The following CFH variants were observed in gnomAD, a reference collection of about 807,000 sequenced individuals.
The protein encoded by CFH is complement factor H, also known as H factor 1 (complement).
In CFH, 53 loss-of-function variants were observed where a neutral mutation model predicts 147.3. The ratio of observed to expected loss-of-function variants is 0.36; its 90% CI spans 0.29 to 0.45. The LOEUF (loss-of-function observed/expected upper bound fraction) is 0.45. Among genes scored for constraint, CFH ranks in the 20% least tolerant of loss-of-function variants. The pLI is 1.00. For synonymous variants in CFH, 536 were observed against 489.4 expected (o/e 1.10, Z -1.26); for missense variants, 1,380 against 1,498.0 (o/e 0.92, Z 1.30).
chr1:196,726,990 T>C, intron 14 of CFH, 50 bp downstream of exon 14: 1 of 1,534,996 alleles, frequency 6.5e-7, no homozygotes, highest in Non-Finnish European at 9.0e-7. Flanking sequence ...AATATTTTTA[T>C]TGTAACAACA....
Position 196,728,413 on chromosome 1 carries a change from G to C in CFH, c.2304G>C (p.Lys768Asn). Residue 768 changes from lysine (K) to asparagine (N), a missense_variant, in exon 15 of 22, where the codon AAG becomes AAC. This residue lies in a region of CFH where 830 missense variants were observed against 821.4 expected (regional missense o/e 1.01). Transcript: ENST00000367429. Reference protein sequence around the residue: ...LIILEEHLKNKKEFDHNSNIR... With the variant: ...LIILEEHLKNNKEFDHNSNIR... ...TACTTGAGGAACATTTAAAAAACAA[G>C]AAGGAATTCGATCATAATTCTAACA... 1 of 1,607,082 alleles carries C rather than the reference G, an allele frequency of 6.2e-7. No individual in the cohort carries two copies. The highest frequency in any genetic ancestry group is 8.5e-7 in the Non-Finnish European group (1 of 1,175,192).
chr1:196,694,578 A>G (rs927769243), intron 9 of CFH, among the ~76,000 whole-genome samples: 1 of 152,196 alleles, frequency 6.6e-6, no homozygotes, highest in African/African-American at 2.4e-5. Context: ...AGGAGTTGCC[A>G]CACTGTCTTC....
intron 1 of CFH, among the ~76,000 whole-genome samples, chr1:196,665,971 A>G (rs948155470): frequency 9.2e-5 from 14 of 152,120 alleles, no homozygotes; most frequent in African/African-American, 3.4e-4. Context: ...AAGTTTACAC[A>G]GTACGATAGA....
chr1:196,671,001 G>T lies in CFH; in HGVS notation c.59-1977G>T, dbSNP rs371098233. ...TGTTTGTTGTTGTTTATACACTTTT[G>T]TCTTTCTATATTTCCTTTTGGTTAT... is the stretch of plus-strand genomic sequence containing the variant. On this transcript the variant is annotated intron_variant, in intron 1 of 21. Transcript: ENST00000367429. 2.6e-3 allele frequency among the ~76,000 whole-genome samples: 397 copies of T among 151,760 alleles called. 2 individuals are homozygous for T. Among genetic ancestry groups the T allele is most frequent in the East Asian group, 0.013 (67 of 5,148 alleles).
At chr1:196,739,671 G>A (rs539498718) in intron 17 of CFH, among the ~76,000 whole-genome samples, 8 of 152,184 alleles carry the variant, frequency 5.3e-5, no homozygotes, top group Admixed American at 2.0e-4. Context: ...CTTCTGAGCC[G>A]TCCAACTCCC....
chr1:196,714,597 ATGTGTGTGTG>A (rs3043112), intron 10 of CFH, among the ~76,000 whole-genome samples: 2 of 103,934 alleles, frequency 1.9e-5, no homozygotes, highest in Non-Finnish European at 3.7e-5. Context: ...ACTCAGTAAT[ATGTGTGTGTG>A]TGTGTGTGTG....
chr1:196,667,040 T>C lies in CFH; in HGVS notation c.59-5938T>C, dbSNP rs534720249. Among the ~76,000 whole-genome samples the C allele has an allele frequency of 3.3e-5, 5 of 152,338 alleles. No homozygotes were observed. In the East Asian group the frequency reaches 7.7e-4, roughly 23 times the overall value. On this transcript the variant is annotated intron_variant, in intron 1 of 21. Transcript: ENST00000367429. ...AATGTTGCTTATATCTTGTATATCC[T>C]TATTTTTCTATTTCTTTTCTATTGG...
intron 1 of CFH, among the ~76,000 whole-genome samples, chr1:196,660,829 C>T (rs1208667806): frequency 6.6e-6 from 1 of 152,046 alleles, no homozygotes; most frequent in African/African-American, 2.4e-5. Flanking sequence ...TTGTTAAAAG[C>T]AATGAACTAT....
At chr1:196,715,400 T>G (rs1328552142) in intron 10 of CFH, among the ~76,000 whole-genome samples, 193 bp from the exon 11 acceptor site, 1 of 152,160 alleles carries the variant, frequency 6.6e-6, no homozygotes. Context: ...AAAAATGTTG[T>G]GTAGAAAGAT....
intron 15 of CFH, among the ~76,000 whole-genome samples, chr1:196,731,310 C>T (rs1030831231): frequency 1.3e-5 from 2 of 151,810 alleles, no homozygotes; most frequent in African/African-American, 4.8e-5. Context: ...TTGTAGTTAT[C>T]CTTAGGCTTG....
chr1:196,714,690 G>T (rs1233915218), intron 10 of CFH, among the ~76,000 whole-genome samples: 142 of 108,394 alleles, frequency 1.3e-3, no homozygotes, highest in Non-Finnish European at 2.0e-3. Flanking sequence ...GAGAGAGAGA[G>T]AGAGAGAGAG....
Position 196,673,138 on chromosome 1 carries a change from T to C in CFH, c.219T>C (p.Ala73=), listed in dbSNP as rs776075595. 2.9e-5 allele frequency: 46 copies of C among 1,613,462 alleles called. No individual in the cohort carries two copies. Among genetic ancestry groups the C allele is most frequent in the Non-Finnish European group, 3.8e-5 (45 of 1,179,634 alleles). Residue 73 remains alanine, a synonymous_variant, in exon 2 of 22, where the codon GCT becomes GCC. Coordinates refer to ENST00000367429, the MANE Select transcript of CFH (RefSeq NM_000186.4). The part of the protein sequence containing the change: ...IMVCRKGEWV[A]LNPLRKCQKR... Reference sequence around the variant, plus strand: ...TATGCAGGAAGGGAGAATGGGTTGCTCTTAATCCATTAAGGAAATGTCAGA... The same window carrying C: ...TATGCAGGAAGGGAGAATGGGTTGCCCTTAATCCATTAAGGAAATGTCAGA...
chr1:196,692,104 A>G (rs544052492), intron 9 of CFH, among the ~76,000 whole-genome samples: 29 of 152,074 alleles, frequency 1.9e-4, no homozygotes, highest in African/African-American at 6.5e-4. Flanking sequence ...TTTAACCAGC[A>G]TTGCAGTAAC....
chr1:196,681,113 C>T (rs547330064), intron 6 of CFH, among the ~76,000 whole-genome samples: 1 of 151,732 alleles, frequency 6.6e-6, no homozygotes, highest in South Asian at 2.1e-4. Flanking sequence ...TCCAGAGCCC[C>T]TCTCAAATCT....
chr1:196,675,368 A>G (rs1667419797), intron 3 of CFH, among the ~76,000 whole-genome samples: 1 of 152,160 alleles, frequency 6.6e-6, no homozygotes, highest in South Asian at 2.1e-4. Flanking sequence ...AATCTCTACG[A>G]TAGAGATGGA....
At chr1:196,722,236 A>G (rs1320849127) in intron 11 of CFH, among the ~76,000 whole-genome samples, 1 of 152,074 alleles carries the variant, frequency 6.6e-6, no homozygotes, top group Non-Finnish European at 1.5e-5. Flanking sequence ...TGTGGGGTGA[A>G]TTCCTAAAGT....
chr1:196,720,803 T>C (rs1434599382), intron 11 of CFH, among the ~76,000 whole-genome samples: 1 of 151,932 alleles, frequency 6.6e-6, no homozygotes, highest in African/African-American at 2.4e-5. Context: ...ATAATTGATT[T>C]CCTTTGGGTA....
In CFH at chr1:196,728,330, T is replaced by C. The variant is rs751552945; in HGVS notation, c.2237-16T>C. 3.7e-6 allele frequency: 5 copies of C among 1,362,140 alleles called. No homozygotes were observed. The South Asian group carries it at 7.3e-5, about 20-fold the overall frequency. The allele number at this position is 1,362,140 out of a possible 1,614,324, so 84.4% of individuals were successfully genotyped here. A position where few individuals can be genotyped will look rare whatever the true frequency, so the allele number is the denominator to read the frequency against. On this transcript the variant is annotated splice_polypyrimidine_tract_variant and intron_variant, in intron 14 of 21. Transcript: ENST00000367429. ...CCTATCATTTGAATTTTCATAAAAA[T>C]ATATTTATTTTATAGCAATAGATAA...
rs746585872 is a variant in CFH at position 196,652,067 on chromosome 1, G to C, written c.-51G>C. The C allele has an allele frequency of 3.8e-5, 48 of 1,263,738 alleles. 2 individuals carry two copies. In the South Asian group the frequency reaches 5.6e-4, roughly 15 times the overall value. The allele number at this position is 1,263,738 out of a possible 1,614,324, so 78.3% of individuals were successfully genotyped here. ...CACAATTCTTGGAAGAGGAGAACTG[G>C]ACGTTGTGAACAGAGTTAGCTGGTA... is the stretch of plus-strand genomic sequence containing the variant. On this transcript the variant is annotated 5_prime_UTR_variant, in exon 1 of 22. Transcript: ENST00000367429.
Sources: allele counts gnomAD v4.1 joint callset (sites outside exome capture counted in the v4.1 genomes callset), GRCh38; gene constraint gnomAD v4.1.1; regional missense constraint gnomAD v4.1.1; transcripts MANE v1.5; gene names NCBI Gene and HGNC (gene_info 2026-07-23, HGNC 2026-07-21).